Variants in PRKN observed in about 807,000 individuals in gnomAD.
PRKN encodes the protein parkin RBR E3 ubiquitin protein ligase, also known as E3 ubiquitin-protein ligase parkin.
In PRKN, 56 loss-of-function variants were observed where a neutral mutation model predicts 59.5. That is an observed-to-expected ratio of 0.94 (90% CI 0.76 to 1.18). The LOEUF is 1.18. Among genes scored for constraint, PRKN ranks in the 50% most tolerant of loss-of-function variants. The probability of loss-of-function intolerance (pLI) is 0.00; values close to 1 mark genes in which losing one functional copy is unlikely to be tolerated. For missense variants in PRKN, 657 were observed against 596.4 expected (o/e 1.10, Z -1.06); for synonymous variants, 250 against 222.1 (o/e 1.13, Z -1.12).
chr6:161,966,131 C>G (rs1780570425), intron 6 of PRKN, among the ~76,000 whole-genome samples: 1 of 151,772 alleles, frequency 6.6e-6, no homozygotes, highest in Admixed American at 6.6e-5. Context: ...GTTTTTCTTC[C>G]TTGTCTCATA....
chr6:162,679,107 T>TTTATTTATTTAC (rs1779671523), intron 1 of PRKN, among the ~76,000 whole-genome samples: 1 of 150,554 alleles, frequency 6.6e-6, no homozygotes, highest in Admixed American at 6.7e-5. Context: ...TATTTATTTA[T>TTTATTTATTTAC]TTATGAATGA....
intron 8 of PRKN, among the ~76,000 whole-genome samples, chr6:161,557,621 G>A (rs913031429): frequency 1.3e-5 from 2 of 152,144 alleles, no homozygotes; most frequent in Non-Finnish European, 2.9e-5. Flanking sequence ...GGAGAGAACA[G>A]GCTGCTTCAC....
chr6:162,205,973 T>C lies in PRKN; in HGVS notation c.413-4721A>G, dbSNP rs563804538. Among the ~76,000 whole-genome samples, 4 of 152,296 alleles carry C rather than the reference T, an allele frequency of 2.6e-5. No individual in the cohort carries two copies. The South Asian group carries it at 8.3e-4, about 32-fold the overall frequency. On this transcript the variant is annotated intron_variant, in intron 3 of 11. Coordinates refer to ENST00000366898, the MANE Select transcript of PRKN (RefSeq NM_004562.3). The stretch of plus-strand genomic sequence containing the variant: ...TTCAACTGACAACGCGGAGACTCAC[T>C]GGGCAGTGAAACAGCTTGTTTTAAT...
chr6:161,566,604 G>A lies in PRKN; in HGVS notation c.933+2751C>T, dbSNP rs868822645. On this transcript the variant is annotated intron_variant, in intron 8 of 11. Coordinates refer to ENST00000366898, the MANE Select transcript of PRKN (RefSeq NM_004562.3). The surrounding 1 kb of genome is among the most constrained non-coding windows in gnomAD (Gnocchi z 4.1). ...GTATTTTTAGTAGAGACAGGGTTTC[G>A]CCATGTTGGTCAGGCTGGTCTCAGA... Among the ~76,000 whole-genome samples, 2 of 152,044 alleles carry A rather than the reference G, an allele frequency of 1.3e-5. No individual in the cohort carries two copies. Among genetic ancestry groups the A allele is most frequent in the South Asian group, 2.1e-4 (1 of 4,824 alleles).
In PRKN at chr6:161,544,322, C is replaced by T. The variant is rs947680892; in HGVS notation, c.1083+4532G>A. Among the ~76,000 whole-genome samples, 3 of 152,052 alleles carry T rather than the reference C, an allele frequency of 2.0e-5. No individual in the cohort carries two copies. The highest frequency in any genetic ancestry group is 7.2e-5 in the African/African-American group (3 of 41,380). On this transcript the variant is annotated intron_variant, in intron 9 of 11. Transcript: ENST00000366898. The surrounding 1 kb of genome is among the most constrained non-coding windows in gnomAD (Gnocchi z 5.5). ...TTTTCTGAATTATATACTATGTGTG[C>T]TATTAAAACACTGTATATTGTATAA...
chr6:162,525,409 C>A (rs1371213603), intron 1 of PRKN, among the ~76,000 whole-genome samples: 1 of 152,198 alleles, frequency 6.6e-6, no homozygotes. Context: ...TTTCCTCCCC[C>A]TGAAATGCTG....
intron 3 of PRKN, among the ~76,000 whole-genome samples, chr6:162,216,329 G>T (rs562010317): frequency 5.3e-5 from 8 of 151,814 alleles, no homozygotes; most frequent in African/African-American, 1.7e-4. Context: ...AGGAGATCGA[G>T]ATCATCCTGG....
intron 7 of PRKN, among the ~76,000 whole-genome samples, chr6:161,783,023 CA>C (rs2128206072): frequency 2.0e-5 from 3 of 152,170 alleles, no homozygotes; most frequent in East Asian, 3.9e-4. Flanking sequence ...AATGACAAAA[CA>C]AACTGCAAAA....
chr6:162,104,888 G>C (rs1780125591), intron 4 of PRKN, among the ~76,000 whole-genome samples: 1 of 152,186 alleles, frequency 6.6e-6, no homozygotes, highest in South Asian at 2.1e-4. Flanking sequence ...TCAGAGAGGG[G>C]AGAATATAAT....
chr6:161,634,497 C>G (rs1320276295), intron 7 of PRKN, among the ~76,000 whole-genome samples: 1 of 152,194 alleles, frequency 6.6e-6, no homozygotes, highest in East Asian at 1.9e-4. Context: ...GCAGGTCACA[C>G]AGCTAGTAAG....
intron 1 of PRKN, among the ~76,000 whole-genome samples, chr6:162,457,934 A>G (rs1790959550): frequency 1.3e-5 from 2 of 151,950 alleles, no homozygotes; most frequent in Non-Finnish European, 2.9e-5. Context: ...AGTCTGGCCA[A>G]CATGACAAAA....
chr6:162,339,847 T>C (rs1366085115), intron 2 of PRKN, among the ~76,000 whole-genome samples: 2 of 148,984 alleles, frequency 1.3e-5, no homozygotes, highest in East Asian at 3.9e-4. Flanking sequence ...CCCCCAACCC[T>C]GTGCTCTCTG....
intron 3 of PRKN, among the ~76,000 whole-genome samples, chr6:162,253,999 T>C (rs1779542782): frequency 6.6e-6 from 1 of 152,196 alleles, no homozygotes; most frequent in Non-Finnish European, 1.5e-5. Context: ...TTTCCTAAGC[T>C]ATCGCTCTAG....
intron 2 of PRKN, among the ~76,000 whole-genome samples, chr6:162,312,617 T>C (rs138072161): frequency 1.3e-5 from 2 of 152,302 alleles, no homozygotes; most frequent in African/African-American, 2.4e-5. Context: ...CACACACCTC[T>C]AACATTCCCA....
At chr6:161,449,053 G>A (rs1439023606) in intron 9 of PRKN, among the ~76,000 whole-genome samples, 1 of 152,202 alleles carries the variant, frequency 6.6e-6, no homozygotes. Context: ...CAGGGCTCGG[G>A]TAAGAACATT....
chr6:161,476,177 A>T (rs996729204), intron 9 of PRKN, among the ~76,000 whole-genome samples: 1 of 146,796 alleles, frequency 6.8e-6, no homozygotes, highest in Admixed American at 6.8e-5. Flanking sequence ...ACAGAGTGAG[A>T]CTCTGTCTCA....
chr6:161,798,639 A>C (rs1370894127), intron 6 of PRKN, among the ~76,000 whole-genome samples: 1 of 152,228 alleles, frequency 6.6e-6, no homozygotes, highest in Non-Finnish European at 1.5e-5. Flanking sequence ...GGAGATTTCT[A>C]GAGATTTTAC....
chr6:162,395,158 G>A (rs907565581), intron 2 of PRKN, among the ~76,000 whole-genome samples: 2 of 152,108 alleles, frequency 1.3e-5, no homozygotes, highest in Admixed American at 6.5e-5. Context: ...CCTTCAAGAC[G>A]TACCTCTTGG....
intron 6 of PRKN, among the ~76,000 whole-genome samples, chr6:161,874,500 T>C (rs1338501117): frequency 1.9e-5 from 2 of 107,558 alleles, no homozygotes; most frequent in South Asian, 3.2e-4. Flanking sequence ...ATATGTAAAA[T>C]ATATTATATG....
Sources: allele counts gnomAD v4.1 joint callset (sites outside exome capture counted in the v4.1 genomes callset), GRCh38; gene constraint gnomAD v4.1.1; non-coding constraint Gnocchi (gnomAD v3.1); transcripts MANE v1.5; gene names NCBI Gene and HGNC (gene_info 2026-07-23, HGNC 2026-07-21).